The following MBNL3 variants were observed in gnomAD, a reference collection of about 807,000 sequenced individuals.
MBNL3 encodes muscleblind-like protein 3.
Under a neutral mutation model 24.5 loss-of-function variants are expected in MBNL3, and 6 were observed. The observed-to-expected ratio is 0.25, with a 90% CI of 0.13 to 0.48. The LOEUF (loss-of-function observed/expected upper bound fraction) is 0.48, where lower values mean the gene tolerates loss of function less well. Among genes scored for constraint, MBNL3 ranks in the 20% least tolerant of loss-of-function variants. The pLI, the probability that MBNL3 is intolerant of heterozygous loss-of-function variation, is 0.99. For synonymous variants in MBNL3, 100 were observed against 101.7 expected, an observed-to-expected ratio of 0.98 and a Z score of 0.10; for missense variants, 230 against 293.5, an observed-to-expected ratio of 0.78 and a Z score of 1.58.
At chrX:132,484,927 A>ACACGCG (rs1216029809) in intron 1 of MBNL3, among the ~76,000 whole-genome samples, 2 of 102,708 alleles carry the variant, frequency 1.9e-5, no homozygotes, top group African/African-American at 8.4e-5. Context: ...GGGAGAATAC[A>ACACGCG]CACGCGCACA....
At chrX:132,487,617 T>C (rs1179638128) in intron 1 of MBNL3, among the ~76,000 whole-genome samples, 1 of 112,740 alleles carries the variant, frequency 8.9e-6, no homozygotes, top group Non-Finnish European at 1.9e-5. Flanking sequence ...GATAGAATAT[T>C]ATCAGCTGAG....
At chrX:132,478,335 C>T (rs945617748) in intron 1 of MBNL3, among the ~76,000 whole-genome samples, 8 of 111,463 alleles carry the variant, frequency 7.2e-5, no homozygotes, top group Admixed American at 5.7e-4. Flanking sequence ...TTGCAAAATA[C>T]CTTGGACATT....
intron 1 of MBNL3, among the ~76,000 whole-genome samples, chrX:132,475,266 T>A (rs775524669): frequency 8.0e-5 from 9 of 112,096 alleles, no homozygotes; most frequent in Non-Finnish European, 1.5e-4. Context: ...TGTAGCACCA[T>A]CCATCAAACA....
intron 5 of MBNL3, among the ~76,000 whole-genome samples, chrX:132,388,544 T>C (rs1025798348): frequency 5.4e-5 from 6 of 111,909 alleles, no homozygotes; most frequent in African/African-American, 1.9e-4. Flanking sequence ...AAACTACAAA[T>C]TGGGGTGAAA....
At chrX:132,457,336 A>G (rs1420788434) in intron 1 of MBNL3, among the ~76,000 whole-genome samples, 1 of 111,759 alleles carries the variant, frequency 8.9e-6, no homozygotes, top group Non-Finnish European at 1.9e-5. Flanking sequence ...CTGTACATAT[A>G]TGTTGTTAAG....
chrX:132,429,230 A>G (rs951142998), intron 2 of MBNL3, among the ~76,000 whole-genome samples: 1 of 112,749 alleles, frequency 8.9e-6, no homozygotes, highest in African/African-American at 3.2e-5. Context: ...CTGAATTGCT[A>G]CTGCAATATT....
At chrX:132,392,002 G>C (rs1937260802) in intron 4 of MBNL3, 141 bp downstream of exon 4, 5 of 446,756 alleles carry the variant, frequency 1.1e-5, no homozygotes, top group African/African-American at 2.5e-5. Context: ...TATGATTGCA[G>C]TACTAAAATG....
intron 1 of MBNL3, among the ~76,000 whole-genome samples, chrX:132,478,443 T>A (rs955010933): frequency 5.4e-5 from 6 of 112,046 alleles, no homozygotes; most frequent in African/African-American, 1.9e-4. Flanking sequence ...AGGTATGTTA[T>A]CATGAAAGCC....
rs904090524 is a variant in MBNL3, at chrX:132,377,707, C to CTAA, written c.*1956_*1958dup. On this transcript the variant is annotated 3_prime_UTR_variant, in exon 9 of 9. Transcript: ENST00000370853. ...TCCATCAACTATAAAAAGGATTTTG[C>CTAA]TAATTCCATTGTTCTGTGATTCAAA... 9.0e-6 allele frequency: 1 copy of CTAA among 110,539 alleles called. No homozygotes were observed. The highest frequency in any genetic ancestry group is 1.9e-5 in the Non-Finnish European group (1 of 52,789). 9.1% of individuals were successfully genotyped at this position (110,539 alleles called of 1,213,427 possible).
At chrX:132,413,443 A>C in intron 2 of MBNL3, 1 of 1,084,972 alleles carries the variant, frequency 9.2e-7, no homozygotes, top group Non-Finnish European at 1.3e-6. Context: ...AGTTGAGCTC[A>C]ATAAAGGCAA....
Position 132,377,245 on chromosome X carries a change from A to T in MBNL3, c.*2421T>A, listed in dbSNP as rs1026118150. 4 of 111,661 alleles carry T rather than the reference A, an allele frequency of 3.6e-5. No individual in the cohort carries two copies. The highest frequency in any genetic ancestry group is 1.3e-4 in the African/African-American group (4 of 30,736). 9.2% of individuals were successfully genotyped at this position (111,661 alleles called of 1,213,427 possible). ...CCCTTCTGGAGAGGCACTGGCACGG[A>T]TCATACAAAACTCAGTTCCATACAT... On this transcript the variant is annotated 3_prime_UTR_variant, in exon 9 of 9. Transcript: ENST00000370853.
rs990251034 is a variant in MBNL3, at chrX:132,379,597, G to A, written c.*69C>T. On this transcript the variant is annotated 3_prime_UTR_variant, in exon 9 of 9. Transcript: ENST00000370853. ...GTTGTGTTGGTAGAATAAGACATACGAGAATATATATAGAAAGGCCATATG... is the reference window on the plus strand; with the variant it reads ...GTTGTGTTGGTAGAATAAGACATACAAGAATATATATAGAAAGGCCATATG... 38 of 1,095,537 alleles carry A rather than the reference G, an allele frequency of 3.5e-5. No homozygotes were observed. Among genetic ancestry groups the A allele is most frequent in the Non-Finnish European group, 4.1e-5 (33 of 809,454 alleles). The allele number at this position is 1,095,537 out of a possible 1,213,427, so 90.3% of individuals were successfully genotyped here.
At chrX:132,460,179 G>T (rs1946560628) in intron 1 of MBNL3, among the ~76,000 whole-genome samples, 1 of 111,634 alleles carries the variant, frequency 9.0e-6, no homozygotes, top group African/African-American at 3.3e-5. Flanking sequence ...AAGGTAGAGT[G>T]CTTCAAGATG....
chrX:132,449,977 G>GCCCCCCCCCCCCCCC (rs59387058), intron 1 of MBNL3, among the ~76,000 whole-genome samples: 5 of 25,460 alleles, frequency 2.0e-4, no homozygotes, highest in Non-Finnish European at 2.1e-4. Flanking sequence ...GCTGAATATT[G>GCCCCCCCCCCCCCCC]CCCCCCCCCC....
At chrX:132,442,616 TAC>T (rs1945443400) in intron 1 of MBNL3, among the ~76,000 whole-genome samples, 1 of 112,871 alleles carries the variant, frequency 8.9e-6, no homozygotes, top group South Asian at 3.6e-4. Context: ...AGACTTTTTC[TAC>T]AGAGGTCCAT....
chrX:132,388,045 A>T (rs1936430642), intron 5 of MBNL3, among the ~76,000 whole-genome samples: 1 of 111,641 alleles, frequency 9.0e-6, no homozygotes, highest in Admixed American at 9.5e-5. Context: ...CAAATTCTTA[A>T]GGAAACAGGA....
intron 1 of MBNL3, among the ~76,000 whole-genome samples, chrX:132,460,285 T>C (rs1946564599): frequency 8.9e-6 from 1 of 112,112 alleles, no homozygotes; most frequent in African/African-American, 3.2e-5. Flanking sequence ...TTTAAACAAC[T>C]AGGTTCTTAC....
chrX:132,452,840 A>G (rs1050062346), intron 1 of MBNL3, among the ~76,000 whole-genome samples: 3 of 112,541 alleles, frequency 2.7e-5, no homozygotes, highest in Admixed American at 1.9e-4. Context: ...AACATATATG[A>G]TATGTCTGCA....
rs1166770058 is a variant in MBNL3 at position 132,440,078 on chromosome X, G to A, written c.-467C>T. 1.8e-5 allele frequency among the ~76,000 whole-genome samples: 2 copies of A among 111,128 alleles called. No individual in the cohort carries two copies. The highest frequency in any genetic ancestry group is 6.6e-5 in the African/African-American group (2 of 30,534). The stretch of plus-strand genomic sequence containing the variant: ...TTTAAATAACAAGATTGGGAAGGAT[G>A]TTAGAACCCAAAAAAAGTTTCGTTG... On this transcript the variant is annotated 5_prime_UTR_variant, in exon 2 of 9. Transcript: ENST00000370853.
Sources: allele counts gnomAD v4.1 joint callset (sites outside exome capture counted in the v4.1 genomes callset), GRCh38; gene constraint gnomAD v4.1.1; transcripts MANE v1.5; gene names NCBI Gene and HGNC (gene_info 2026-07-23, HGNC 2026-07-21).